CACNA1E: variants seen among roughly 807,000 people sequenced by gnomAD.
The protein encoded by CACNA1E is calcium voltage-gated channel subunit alpha1 E.
Under a neutral mutation model 259.2 loss-of-function variants are expected in CACNA1E, and 40 were observed. The ratio of observed to expected loss-of-function variants is 0.15; its 90% CI spans 0.12 to 0.20. CACNA1E has a LOEUF of 0.20. Among genes scored for constraint, CACNA1E ranks in the 10% least tolerant of loss-of-function variants. CACNA1E has a pLI of 1.00. For synonymous variants in CACNA1E, 1,104 were observed against 1,138.5 expected, an observed-to-expected ratio of 0.97 and a Z score of 0.61; for missense variants, 1,874 against 3,040.1, an observed-to-expected ratio of 0.62 and a Z score of 9.02.
intron 30 of CACNA1E, among the ~76,000 whole-genome samples, chr1:181,757,414 T>C (rs1658180750): frequency 1.3e-5 from 2 of 152,246 alleles, no homozygotes; most frequent in Admixed American, 1.3e-4. Context: ...TCTGCTTATC[T>C]GACTGTGACC....
intron 25 of CACNA1E, among the ~76,000 whole-genome samples, chr1:181,749,868 A>C (rs1657436629): frequency 6.6e-6 from 1 of 152,236 alleles, no homozygotes; most frequent in Non-Finnish European, 1.5e-5. Context: ...TGATCTTGAC[A>C]GACAAATGCC....
At chr1:181,789,373 C>G (rs1043266806) in intron 43 of CACNA1E, among the ~76,000 whole-genome samples, 1 of 152,156 alleles carries the variant, frequency 6.6e-6, no homozygotes, top group African/African-American at 2.4e-5. Context: ...CTCCTGTAAT[C>G]TAAAAAAACA....
chr1:181,365,472 G>T (rs1002729338), intron 1 of CACNA1E, among the ~76,000 whole-genome samples: 1 of 152,234 alleles, frequency 6.6e-6, no homozygotes. Flanking sequence ...GCACCTGGCC[G>T]ATCCTAGCCT....
intron 7 of CACNA1E, among the ~76,000 whole-genome samples, chr1:181,652,598 G>A (rs58637548): frequency 0.076 from 11,552 of 152,144 alleles, 748 homozygotes; most frequent in African/African-American, 0.17. Flanking sequence ...ATTGTTCTTC[G>A]GAGCCCTAGA....
upstream of CACNA1E, among the ~76,000 whole-genome samples, chr1:181,482,926 C>G (rs2102463175): frequency 6.6e-6 from 1 of 152,418 alleles, no homozygotes; most frequent in Admixed American, 6.5e-5. Context: ...TGCTGGCACT[C>G]AGGCTTCGCT....
intron 3 of CACNA1E, among the ~76,000 whole-genome samples, chr1:181,532,522 C>G (rs1395616286): frequency 6.6e-6 from 1 of 152,242 alleles, no homozygotes; most frequent in African/African-American, 2.4e-5. Flanking sequence ...GCACGTTGCA[C>G]CTGATCTTTC....
intron 6 of CACNA1E, among the ~76,000 whole-genome samples, chr1:181,596,557 C>CGTGTGTGTGTGTGTGTGTGTGTGT (rs60302499): frequency 5.0e-5 from 7 of 140,490 alleles, no homozygotes; most frequent in Admixed American, 7.0e-5. Flanking sequence ...CCACCATGTA[C>CGTGTGTGTGTGTGTGTGTGTGTGT]GTGTGTGTGT....
At chr1:181,531,802 C>A (rs1667803785) in intron 3 of CACNA1E, among the ~76,000 whole-genome samples, 1 of 152,208 alleles carries the variant, frequency 6.6e-6, no homozygotes, top group African/African-American at 2.4e-5. Flanking sequence ...CGCCTGCAAT[C>A]CCAGCACTTT....
intron 1 of CACNA1E, among the ~76,000 whole-genome samples, chr1:181,375,538 C>T (rs548856349): frequency 4.6e-5 from 7 of 152,338 alleles, no homozygotes; most frequent in Middle Eastern, 3.4e-3. Flanking sequence ...CTTACTTCGT[C>T]TATTCTAGGA....
intron 39 of CACNA1E, 44 bp from the exon 40 acceptor site, chr1:181,783,632 AATT>A: frequency 9.9e-7 from 1 of 1,009,558 alleles, no homozygotes; most frequent in Non-Finnish European, 1.5e-6. Flanking sequence ...GATGTCTTTC[AATT>A]TTTTTTTTTT....
At chr1:181,614,835 T>C (rs1015439244) in intron 6 of CACNA1E, among the ~76,000 whole-genome samples, 1 of 152,228 alleles carries the variant, frequency 6.6e-6, no homozygotes, top group African/African-American at 2.4e-5. Context: ...AACTTTGATA[T>C]TTCTAGGTTA....
intron 1 of CACNA1E, among the ~76,000 whole-genome samples, chr1:181,365,409 C>T (rs1309629686): frequency 1.3e-5 from 2 of 152,214 alleles, no homozygotes; most frequent in Non-Finnish European, 2.9e-5. Flanking sequence ...AGGCCTCAAG[C>T]AATATTCCCG....
intron 27 of CACNA1E, 77 bp from the exon 28 acceptor site, chr1:181,755,160 A>G: frequency 1.7e-6 from 2 of 1,204,990 alleles, no homozygotes; most frequent in Non-Finnish European, 2.3e-6. Context: ...TAGTGGTGGT[A>G]TGGCCCAGCT....
At chr1:181,392,062 G>A (rs1198782386) in intron 1 of CACNA1E, among the ~76,000 whole-genome samples, 2 of 151,970 alleles carry the variant, frequency 1.3e-5, no homozygotes, top group Admixed American at 1.3e-4. Context: ...GAGCCTGGGA[G>A]GATAAGCACA....
At chr1:181,336,186 G>A (rs2102615249) in intron 1 of CACNA1E, among the ~76,000 whole-genome samples, 1 of 152,250 alleles carries the variant, frequency 6.6e-6, no homozygotes, top group African/African-American at 2.4e-5. Flanking sequence ...TTTACTAAGT[G>A]GTGAGATTCT....
At chr1:181,659,480 G>C (rs1245366283) in intron 7 of CACNA1E, among the ~76,000 whole-genome samples, 2 of 152,228 alleles carry the variant, frequency 1.3e-5, no homozygotes, top group Non-Finnish European at 2.9e-5. Flanking sequence ...AGCACATCCT[G>C]AAATGCCATC....
chr1:181,693,275 G>A (rs1307989658), intron 7 of CACNA1E, among the ~76,000 whole-genome samples: 1 of 151,910 alleles, frequency 6.6e-6, no homozygotes, highest in Non-Finnish European at 1.5e-5. Context: ...AACAAAACTA[G>A]CATTCGACCC....
At chr1:181,502,070 A>G (rs532394803) in intron 1 of CACNA1E, among the ~76,000 whole-genome samples, 1 of 152,216 alleles carries the variant, frequency 6.6e-6, no homozygotes, top group East Asian at 1.9e-4. Flanking sequence ...TTGACAGTGC[A>G]TGTCTCCTGC....
At chr1:181,461,743 C>T (rs891060109) in intron 2 of CACNA1E, among the ~76,000 whole-genome samples, 3 of 151,642 alleles carry the variant, frequency 2.0e-5, no homozygotes, top group Admixed American at 1.3e-4. Context: ...ATGTGAACAA[C>T]TCATATGAAT....
Sources: allele counts gnomAD v4.1 joint callset (sites outside exome capture counted in the v4.1 genomes callset), GRCh38; gene constraint gnomAD v4.1.1; transcripts MANE v1.5; gene names NCBI Gene and HGNC (gene_info 2026-07-23, HGNC 2026-07-21).